Variants in AMPD2 observed in about 807,000 individuals in gnomAD.
AMPD2 encodes AMP deaminase 2.
In AMPD2, 52 loss-of-function variants were observed where a neutral mutation model predicts 91.3. The observed-to-expected ratio is 0.57, with a 90% CI of 0.46 to 0.72. The LOEUF is 0.72. AMPD2 is among the 30% of genes least tolerant of loss of function. AMPD2 has a pLI of 0.00. For missense variants in AMPD2, 822 were observed against 1,122.3 expected (o/e 0.73, Z 3.82); for synonymous variants, 455 against 456.4 (o/e 1.00, Z 0.04).
Position 109,628,338 on chromosome 1 carries a change from G to A in AMPD2, c.1276-26G>A, listed in dbSNP as rs376640420. The A allele has an allele frequency of 6.2e-7, 1 of 1,613,836 alleles. No homozygotes were observed. The highest frequency in any genetic ancestry group is 2.2e-5 in the East Asian group (1 of 44,878). ...AGTCAGGGGACCAGGAGTCACGGGT[G>A]ACCTGAGCCTTCCCATGTCCCCCAG... On this transcript the variant is annotated intron_variant, in intron 11 of 18. Transcript: ENST00000528667. The surrounding 1 kb of genome is among the most constrained non-coding windows in gnomAD (Gnocchi z 7.1).
chr1:109,631,212 C>G lies in AMPD2; in HGVS notation c.*60C>G. The G allele has an allele frequency of 6.8e-7, 1 of 1,466,178 alleles. No homozygotes were observed. Among genetic ancestry groups the G allele is most frequent in the Non-Finnish European group, 9.3e-7 (1 of 1,070,018 alleles). The allele number at this position is 1,466,178 out of a possible 1,614,324, so 90.8% of individuals were successfully genotyped here. ...CTTTTACCACGTTTTGTCCTCAGAC[C>G]CCGCCCATGCTGTGTGGTCTCTGCA... is the stretch of plus-strand genomic sequence containing the variant. On this transcript the variant is annotated 3_prime_UTR_variant, in exon 19 of 19. Transcript: ENST00000528667.
rs778483500 is a variant in AMPD2 at position 109,628,766 on chromosome 1, T to TC, written c.1536dup (p.Asn513GlnfsTer13). 6.3e-7 allele frequency: 1 copy of TC among 1,582,446 alleles called. No individual in the cohort carries two copies. The highest frequency in any genetic ancestry group is 1.8e-5 in the Admixed American group (1 of 55,242). On this transcript the variant is annotated frameshift_variant, in exon 13 of 19. Transcript: ENST00000528667. LOFTEE classifies it high-confidence loss of function. This position sits in a 1 kb window ranked among gnomAD's most constrained non-coding sequence, Gnocchi z 7.1. ...CTGGGCCGTCATGCACCGCGTGCACTCCCCCAACGTGCGCTGGCTGGTGCA... is the reference window on the plus strand; with the variant it reads ...CTGGGCCGTCATGCACCGCGTGCACTCCCCCCAACGTGCGCTGGCTGGTGCA...
At position 109,620,198 on chromosome 1, in the gene AMPD2, C is replaced by T. The variant is rs1186148768; in HGVS notation, c.-343C>T. On this transcript the variant is annotated 5_prime_UTR_variant, in exon 1 of 19. Transcript: ENST00000528667. Reference sequence around the variant, plus strand: ...GGGGTCTGTGGCCCGATCCCCCTGCCGTCCCTCAGGACCCGGGCTTTCTGC... The same window carrying T: ...GGGGTCTGTGGCCCGATCCCCCTGCTGTCCCTCAGGACCCGGGCTTTCTGC... The T allele has an allele frequency of 2.5e-6, 4 of 1,608,708 alleles. No homozygotes were observed. The highest frequency in any genetic ancestry group is 2.7e-5 in the African/African-American group (2 of 74,830).
chr1:109,629,733 G>C, intron 15 of AMPD2, 63 bp from the exon 16 acceptor site: 1 of 1,534,952 alleles, frequency 6.5e-7, no homozygotes, highest in East Asian at 2.3e-5. Flanking sequence ...GTGGGGGTCA[G>C]GGGCTCCGGT....
Position 109,620,370 on chromosome 1 carries a change from A to G in AMPD2, c.-263+92A>G. The G allele has an allele frequency of 1.9e-6, 3 of 1,568,022 alleles. No homozygotes were observed. The South Asian group carries it at 3.5e-5, about 18-fold the overall frequency. Reference sequence around the variant, plus strand: ...AAGAGGGTGGGAGTCACAGCACAGCAGCAGGACCTAGGGAAGGCGGTCAGC... The same window carrying G: ...AAGAGGGTGGGAGTCACAGCACAGCGGCAGGACCTAGGGAAGGCGGTCAGC... On this transcript the variant is annotated intron_variant, in intron 1 of 18. Transcript: ENST00000528667.
At position 109,628,740 on chromosome 1, in the gene AMPD2, G is replaced by A. The variant is rs776302179; in HGVS notation, c.1505G>A (p.Arg502His). 3.8e-5 allele frequency: 61 copies of A among 1,604,454 alleles called. No individual in the cohort carries two copies. Among genetic ancestry groups the A allele is most frequent in the East Asian group, 6.8e-5 (3 of 44,408 alleles). Residue 502 changes from arginine to histidine, a missense_variant, in exon 13 of 19, where the codon CGC becomes CAC. This residue lies in a region of AMPD2 where 430 missense variants were observed against 606.0 expected (regional missense o/e 0.71). Transcript: ENST00000528667. The surrounding 1 kb of genome is among the most constrained non-coding windows in gnomAD (Gnocchi z 7.1). ...AGGGATGAGTGGGACAAGCTGGCGC[G>A]CTGGGCCGTCATGCACCGCGTGCAC... ...RSRDEWDKLA[R>H]WAVMHRVHSP...
intron 10 of AMPD2, 24 bp downstream of exon 10, chr1:109,627,927 CTCCATGTCCTCA>C (rs752085526): frequency 1.2e-6 from 2 of 1,613,546 alleles, no homozygotes; most frequent in Non-Finnish European, 1.7e-6. Flanking sequence ...CCGTGGCCGT[CTCCATGTCCTCA>C]TCCCACACCT....
Position 109,630,980 on chromosome 1 carries a change from A to C in AMPD2, c.2306A>C (p.Glu769Ala). 4 of 1,614,164 alleles carry C rather than the reference A, an allele frequency of 2.5e-6. No homozygotes were observed. Among genetic ancestry groups the C allele is most frequent in the Non-Finnish European group, 3.4e-6 (4 of 1,180,030 alleles). Residue 769 changes from glutamate (E) to alanine (A), a missense_variant, in exon 19 of 19, where the codon GAA becomes GCA. Glu to Ala is a moderately radical substitution (Grantham distance 107). Around this residue, in one of 5 missense-constraint regions of AMPD2, gnomAD observed 430 missense variants for 606.0 expected, o/e 0.71. Coordinates refer to ENST00000528667, the MANE Select transcript of AMPD2 (RefSeq NM_001368809.2). ...SHWLGPNYTK[E>A]GPEGNDIRRT... ...TGGCTGGGACCCAACTATACCAAGG[A>C]AGGCCCTGAGGGGAATGACATCCGC... is the stretch of plus-strand genomic sequence containing the variant.
intron 2 of AMPD2, among the ~76,000 whole-genome samples, chr1:109,621,815 G>A (rs1650299475): frequency 6.6e-6 from 1 of 152,208 alleles, no homozygotes; most frequent in Admixed American, 6.5e-5. Context: ...GCTCATTCCT[G>A]GTCTATATTG....
chr1:109,621,333 G>A lies in AMPD2; in HGVS notation c.91+67G>A, dbSNP rs1398070745. On this transcript the variant is annotated intron_variant, in intron 2 of 18. Coordinates refer to ENST00000528667, the MANE Select transcript of AMPD2 (RefSeq NM_001368809.2). ...TGTCTTGCCACCTCTCGCCCAAGGT[G>A]CTGGTCCCCTCAGAGGGGGCCACCT... 2.6e-6 allele frequency: 4 copies of A among 1,564,696 alleles called. No homozygotes were observed. The East Asian group carries it at 9.1e-5, about 36-fold the overall frequency.
intron 15 of AMPD2, 28 bp downstream of exon 15, chr1:109,629,518 C>G: frequency 1.9e-6 from 3 of 1,607,494 alleles, no homozygotes; most frequent in Non-Finnish European, 2.6e-6. Flanking sequence ...TGTCTGCTTG[C>G]TATGCCATCT....
Position 109,630,301 on chromosome 1 carries a change from C to T in AMPD2, c.2052C>T (p.Asn684=). The stretch of plus-strand genomic sequence containing the variant: ...TCGCCATGTCTCCGCTCAGCAACAA[C>T]AGCCTCTTCCTCAGCTATCACCGGA... ...IGIAMSPLSN[N]SLFLSYHRNP... is the part of the protein sequence containing the mutation. The change falls in exon 17 of 19, where the codon AAC becomes AAT. Residue 684 remains asparagine (N), a synonymous_variant. Transcript: ENST00000528667. 1 of 1,614,028 alleles carries T rather than the reference C, an allele frequency of 6.2e-7. No individual in the cohort carries two copies. The highest frequency in any genetic ancestry group is 1.1e-5 in the South Asian group (1 of 91,086).
Position 109,628,991 on chromosome 1 carries a change from C to T in AMPD2, c.1572-118C>T. 2 of 1,480,872 alleles carry T rather than the reference C, an allele frequency of 1.4e-6. No homozygotes were observed. The highest frequency in any genetic ancestry group is 1.8e-6 in the Non-Finnish European group (2 of 1,103,842). 91.7% of individuals were successfully genotyped at this position (1,480,872 alleles called of 1,614,324 possible). ...GGCCCACCTGGGTATCCTTGCTTTC[C>T]CAATATGGTTCAGATGCGCCCCTGC... On this transcript the variant is annotated intron_variant, in intron 13 of 18. Transcript: ENST00000528667. The surrounding 1 kb of genome is among the most constrained non-coding windows in gnomAD (Gnocchi z 7.1).
intron 1 of AMPD2, chr1:109,620,691 C>G (rs531785429): frequency 8.3e-7 from 1 of 1,209,908 alleles, no homozygotes; most frequent in Non-Finnish European, 1.0e-6. Flanking sequence ...TGCCCTGCCC[C>G]GGGAGGACTG....
At chr1:109,622,378 G>A (rs1293189571) in intron 2 of AMPD2, 1 of 445,698 alleles carries the variant, frequency 2.2e-6, no homozygotes, top group Admixed American at 2.4e-5. Flanking sequence ...TACTTGTGGG[G>A]TCAAAGCCGT....
intron 2 of AMPD2, among the ~76,000 whole-genome samples, chr1:109,623,347 C>A (rs1331581162): frequency 1.3e-5 from 2 of 152,150 alleles, no homozygotes; most frequent in African/African-American, 4.8e-5. Context: ...TCCATGTTCT[C>A]CAAATTCTAG....
Position 109,630,303 on chromosome 1 carries a change from G to A in AMPD2, c.2054G>A (p.Ser685Asn). 1 of 1,613,918 alleles carries A rather than the reference G, an allele frequency of 6.2e-7. No homozygotes were observed. The highest frequency in any genetic ancestry group is 1.1e-5 in the South Asian group (1 of 91,072). ...GCCATGTCTCCGCTCAGCAACAACA[G>A]CCTCTTCCTCAGCTATCACCGGAAT... ...GIAMSPLSNNSLFLSYHRNPL... is the reference protein window; with the variant it reads ...GIAMSPLSNNNLFLSYHRNPL... Residue 685 changes from serine (S) to asparagine (N), a missense_variant, in exon 17 of 19, where the codon AGC becomes AAC. This residue lies in a region of AMPD2 where 430 missense variants were observed against 606.0 expected (regional missense o/e 0.71). Coordinates refer to ENST00000528667, the MANE Select transcript of AMPD2 (RefSeq NM_001368809.2).
Position 109,625,893 on chromosome 1 carries a change from C to G in AMPD2, c.353+101C>G, listed in dbSNP as rs1194177422. On this transcript the variant is annotated intron_variant, in intron 4 of 18. Transcript: ENST00000528667. The surrounding 1 kb of genome is among the most constrained non-coding windows in gnomAD (Gnocchi z 4.0). ...TCCCTCGCACCCTGCCTTGGGGGGTCTGCACAGGGAGCATAGAGTGGGCTT... is the reference window on the plus strand; with the variant it reads ...TCCCTCGCACCCTGCCTTGGGGGGTGTGCACAGGGAGCATAGAGTGGGCTT... The G allele has an allele frequency of 5.2e-6, 8 of 1,525,784 alleles. No homozygotes were observed. The highest frequency in any genetic ancestry group is 7.1e-6 in the Non-Finnish European group (8 of 1,128,596). 94.5% of individuals were successfully genotyped at this position (1,525,784 alleles called of 1,614,324 possible). A position where few individuals can be genotyped will look rare whatever the true frequency, so the allele number is the denominator to read the frequency against.
Position 109,631,385 on chromosome 1 carries a change from C to T in AMPD2, c.*233C>T. ...GATGGCCCAGGTATTGAGGGCCTCC[C>T]CTGCTGGTGGCCCTGTCCTGGGATC... is the stretch of plus-strand genomic sequence containing the variant. On this transcript the variant is annotated 3_prime_UTR_variant, in exon 19 of 19. Transcript: ENST00000528667. 1.7e-6 allele frequency: 1 copy of T among 583,682 alleles called. No individual in the cohort carries two copies. The allele number at this position is 583,682 out of a possible 1,614,324, so 36.2% of individuals were successfully genotyped here.
Sources: gnomAD v4.1 joint callset for allele counts (sites outside exome capture counted in the v4.1 genomes callset) on GRCh38, gnomAD v4.1.1 for gene constraint, gnomAD v4.1.1 regional missense constraint, Gnocchi (gnomAD v3.1) non-coding constraint, MANE v1.5 for transcripts, NCBI Gene and HGNC (gene_info 2026-07-23, HGNC 2026-07-21) for gene names.